The following GNAI2 variants were observed in gnomAD, a reference collection of about 807,000 sequenced individuals.
GNAI2 encodes the protein guanine nucleotide-binding protein G(i) subunit alpha-2.
A neutral mutation model predicts 36.8 loss-of-function variants in GNAI2; 4 were observed. That is an observed-to-expected ratio of 0.11 (90% CI 0.05 to 0.25). GNAI2 has a LOEUF of 0.25. GNAI2 is among the 10% of genes least tolerant of loss of function. The pLI, the probability that GNAI2 is intolerant of heterozygous loss-of-function variation, is 1.00. For missense variants in GNAI2, 230 were observed against 481.3 expected (o/e 0.48, Z 4.89); for synonymous variants, 194 against 194.1 (o/e 1.00, Z 0.01).
upstream of GNAI2, among the ~76,000 whole-genome samples, chr3:50,235,682 A>G (rs587699060): frequency 3.3e-5 from 5 of 152,268 alleles, no homozygotes; most frequent in Non-Finnish European, 7.4e-5. Context: ...CCGCCTTAAG[A>G]CTGAGAAAAC....
At chr3:50,256,701 C>A in intron 5 of GNAI2, 22 bp from the exon 6 acceptor site, 1 of 1,612,492 alleles carries the variant, frequency 6.2e-7, no homozygotes, top group Non-Finnish European at 8.5e-7. Context: ...CTTCCTGGAA[C>A]TAAGGTGATC....
chr3:50,235,896 C>G (rs1478846215), upstream of GNAI2: 1 of 152,890 alleles, frequency 6.5e-6, no homozygotes, highest in South Asian at 2.1e-4. Flanking sequence ...TGTCCAGCAA[C>G]AGAGCTCCCG....
chr3:50,253,189 G>A lies in GNAI2; in HGVS notation c.464+5G>A. On this transcript the variant is annotated splice_donor_5th_base_variant and intron_variant, in intron 4 of 8. Coordinates refer to ENST00000313601, the MANE Select transcript of GNAI2 (RefSeq NM_002070.4). This position sits in a 1 kb window ranked among gnomAD's most constrained non-coding sequence, Gnocchi z 4.2. ...GCTCAACGACTCAGCTGCCTAGTGAGTGCTCTGAGGGGCTGGGCAGGGCAG... is the reference window on the plus strand; with the variant it reads ...GCTCAACGACTCAGCTGCCTAGTGAATGCTCTGAGGGGCTGGGCAGGGCAG... 6.2e-7 allele frequency: 1 copy of A among 1,605,268 alleles called. No homozygotes were observed.
upstream of GNAI2, among the ~76,000 whole-genome samples, chr3:50,228,425 G>T (rs148821980): frequency 1.3e-4 from 20 of 151,846 alleles, no homozygotes. Flanking sequence ...GTGGGGGCGC[G>T]CCTTGTAATC....
intron 5 of GNAI2, 55 bp downstream of exon 5, chr3:50,256,375 GCAGAGGCAGGGGCTGGTCCAGGATCCCC>G: frequency 6.5e-7 from 1 of 1,539,266 alleles, no homozygotes; most frequent in Non-Finnish European, 9.0e-7. Flanking sequence ...CTCTGGGGTA[GCAGAGGCAGGGGCTGGTCCAGGATCCCC>G]CAGCCCCACT....
intron 1 of GNAI2, chr3:50,247,206 C>T (rs140826198): frequency 1.1e-4 from 68 of 628,022 alleles, no homozygotes; most frequent in African/African-American, 7.7e-4. Flanking sequence ...AAGGAGACAG[C>T]GTTGTCCCAT....
chr3:50,255,338 G>GC lies in GNAI2; in HGVS notation c.465-850dup, dbSNP rs1291894541. On this transcript the variant is annotated intron_variant, in intron 4 of 8. Coordinates refer to ENST00000313601, the MANE Select transcript of GNAI2 (RefSeq NM_002070.4). This position sits in a 1 kb window ranked among gnomAD's most constrained non-coding sequence, Gnocchi z 4.0. ...TAATTAAGGGAACTGGTAATGAGGA[G>GC]CCCCTGGGACCCCTGCCAAGCAGGT... 6.6e-6 allele frequency among the ~76,000 whole-genome samples: 1 copy of GC among 152,170 alleles called. No individual in the cohort carries two copies. Among genetic ancestry groups the GC allele is most frequent in the African/African-American group, 2.4e-5 (1 of 41,456 alleles).
In GNAI2 at chr3:50,236,698, C is replaced by T. The variant is rs1190078985; in HGVS notation, c.118+245C>T. ...AAATCCAGTCAACAGTGCCCCAACA[C>T]CCGCGGTCCAGTGCCCTGCTTGGCC... On this transcript the variant is annotated intron_variant, in intron 1 of 8. Coordinates refer to ENST00000313601, the MANE Select transcript of GNAI2 (RefSeq NM_002070.4). This position sits in a 1 kb window ranked among gnomAD's most constrained non-coding sequence, Gnocchi z 4.0. Among the ~76,000 whole-genome samples the T allele has an allele frequency of 1.3e-5, 2 of 152,060 alleles. No individual in the cohort carries two copies. The highest frequency in any genetic ancestry group is 2.4e-5 in the African/African-American group (1 of 41,380).
upstream of GNAI2, among the ~76,000 whole-genome samples, chr3:50,232,852 A>G (rs1700092808): frequency 6.7e-6 from 1 of 149,204 alleles, no homozygotes; most frequent in African/African-American, 2.5e-5. Context: ...CTGATGGCAT[A>G]TAGGGGTAGG....
At chr3:50,245,012 T>C (rs77346680) in intron 1 of GNAI2, among the ~76,000 whole-genome samples, 1 of 152,132 alleles carries the variant, frequency 6.6e-6, no homozygotes, top group African/African-American at 2.4e-5. Flanking sequence ...TTTTTTTTTT[T>C]TCTGAGACTG....
At chr3:50,256,171 C>T in intron 4 of GNAI2, 21 bp from the exon 5 acceptor site, 1 of 1,328,536 alleles carries the variant, frequency 7.5e-7, no homozygotes, top group South Asian at 1.2e-5. Context: ...CCCCACTGAC[C>T]CTCCCACCCC....
chr3:50,251,300 C>T (rs1700551752), intron 1 of GNAI2: 1 of 881,118 alleles, frequency 1.1e-6, no homozygotes, highest in Non-Finnish European at 1.4e-6. Flanking sequence ...AGAATGGGAA[C>T]AGAAACAGTA....
chr3:50,236,812 T>A lies in GNAI2; in HGVS notation c.118+359T>A, dbSNP rs1430293987. The stretch of plus-strand genomic sequence containing the variant: ...CCAAACCCCCAGGATGCCCGCCACT[T>A]GTTCCCCAACCCTCAGGCTCCGCTT... On this transcript the variant is annotated intron_variant, in intron 1 of 8. Coordinates refer to ENST00000313601, the MANE Select transcript of GNAI2 (RefSeq NM_002070.4). The surrounding 1 kb of genome is among the most constrained non-coding windows in gnomAD (Gnocchi z 4.0). 6.6e-6 allele frequency among the ~76,000 whole-genome samples: 1 copy of A among 152,144 alleles called. No homozygotes were observed. The highest frequency in any genetic ancestry group is 1.5e-5 in the Non-Finnish European group (1 of 68,016).
chr3:50,227,373 G>A (rs1315426334), upstream of GNAI2: 2 of 410,768 alleles, frequency 4.9e-6, no homozygotes, highest in Non-Finnish European at 8.7e-6. The surrounding 1 kb of genome is among the most constrained non-coding windows in gnomAD (Gnocchi z 5.9). Context: ...GGCCAGGCCC[G>A]GAGGCAGAGC....
chr3:50,227,166 G>A (rs1699989481), upstream of GNAI2: 3 of 1,452,336 alleles, frequency 2.1e-6, no homozygotes, highest in Non-Finnish European at 2.7e-6. The surrounding 1 kb of genome is among the most constrained non-coding windows in gnomAD (Gnocchi z 5.9). Flanking sequence ...GAAGCAGAAA[G>A]GCGGGTGTCA....
chr3:50,251,342 CAAA>C, intron 1 of GNAI2: 2 of 992,816 alleles, frequency 2.0e-6, no homozygotes, highest in Non-Finnish European at 2.4e-6. Context: ...GAGAATGCAG[CAAA>C]TCTCAGTACC....
At position 50,256,173 on chromosome 3, in the gene GNAI2, TCCCACCCC is replaced by T; in HGVS notation, c.465-16_465-9del. On this transcript the variant is annotated splice_polypyrimidine_tract_variant and intron_variant, in intron 4 of 8. Transcript: ENST00000313601. The stretch of plus-strand genomic sequence containing the variant: ...GCCCCATGCTGGCCCCCACTGACCC[TCCCACCCC>T]CCATCCCCAGCTACCTGAACGACCT... 1 of 517,100 alleles carries T rather than the reference TCCCACCCC, an allele frequency of 1.9e-6. No homozygotes were observed. The highest frequency in any genetic ancestry group is 3.3e-6 in the Non-Finnish European group (1 of 302,332). The allele number at this position is 517,100 out of a possible 1,614,324, so 32.0% of individuals were successfully genotyped here. A position where few individuals can be genotyped will look rare whatever the true frequency, so the allele number is the denominator to read the frequency against.
At chr3:50,247,058 G>T (rs1553701855) in intron 1 of GNAI2, 1 of 871,858 alleles carries the variant, frequency 1.1e-6, no homozygotes, top group Admixed American at 2.0e-5. Flanking sequence ...CTTCTCTGCA[G>T]GTTGCAGGAA....
intron 1 of GNAI2, among the ~76,000 whole-genome samples, chr3:50,247,359 T>C (rs782279745): frequency 9.9e-5 from 15 of 152,198 alleles, no homozygotes; most frequent in Non-Finnish European, 1.8e-4. Flanking sequence ...GCAGGCTGGC[T>C]GGCTGCTTGA....
Sources: allele counts gnomAD v4.1 joint callset (sites outside exome capture counted in the v4.1 genomes callset), GRCh38; gene constraint gnomAD v4.1.1; non-coding constraint Gnocchi (gnomAD v3.1); transcripts MANE v1.5; gene names NCBI Gene and HGNC (gene_info 2026-07-23, HGNC 2026-07-21).